ZCCHC10: variants seen among roughly 807,000 people sequenced by gnomAD.
ZCCHC10 encodes the protein zinc finger CCHC domain-containing protein 10.
A neutral mutation model predicts 19.5 loss-of-function variants in ZCCHC10; 16 were observed. That is an observed-to-expected ratio of 0.82 (90% CI 0.56 to 1.25). The LOEUF (loss-of-function observed/expected upper bound fraction) is 1.25, where lower values mean the gene tolerates loss of function less well. ZCCHC10 is among the 50% of genes most tolerant of loss of function. ZCCHC10 has a pLI of 0.00. For synonymous variants in ZCCHC10, 67 were observed against 72.5 expected, an observed-to-expected ratio of 0.92 and a Z score of 0.38; for missense variants, 197 against 201.0, an observed-to-expected ratio of 0.98 and a Z score of 0.12.
At chr5:133,023,635 G>A (rs141826746) in intron 1 of ZCCHC10, among the ~76,000 whole-genome samples, 31 of 151,726 alleles carry the variant, frequency 2.0e-4, no homozygotes, top group African/African-American at 6.3e-4. Context: ...TTAGCCAGGC[G>A]GGTAGCACAT....
intron 2 of ZCCHC10, among the ~76,000 whole-genome samples, chr5:133,019,408 A>G (rs569420867): frequency 3.9e-5 from 6 of 152,310 alleles, no homozygotes; most frequent in Admixed American, 1.3e-4. Flanking sequence ...TATTCAAACA[A>G]TATTTCATTT....
At chr5:133,003,853 G>A (rs1157207191) in intron 3 of ZCCHC10, among the ~76,000 whole-genome samples, 1 of 152,056 alleles carries the variant, frequency 6.6e-6, no homozygotes, top group African/African-American at 2.4e-5. Flanking sequence ...TGCGATTACA[G>A]GGTGCACCAC....
rs547114341 is a variant in ZCCHC10 at position 132,998,380 on chromosome 5, C to T, written c.*203G>A. The T allele has an allele frequency of 1.4e-4, 70 of 487,976 alleles. 1 individual carries two copies. In the South Asian group the frequency reaches 2.1e-3, roughly 14 times the overall value. The allele number at this position is 487,976 out of a possible 1,614,324, so 30.2% of individuals were successfully genotyped here. ...AGATATATTTTAAAGATAAAAAAAACAAGATTCACCCTTCAAATAAAAGTC... is the reference window on the plus strand; with the variant it reads ...AGATATATTTTAAAGATAAAAAAAATAAGATTCACCCTTCAAATAAAAGTC... On this transcript the variant is annotated 3_prime_UTR_variant, in exon 5 of 5. Transcript: ENST00000509437.
chr5:133,018,832 GGT>G (rs1446641103), intron 2 of ZCCHC10, among the ~76,000 whole-genome samples: 20 of 152,194 alleles, frequency 1.3e-4, no homozygotes, highest in Admixed American at 1.2e-3. Flanking sequence ...TAGCCAGGAA[GGT>G]TGGACTAGAC....
At chr5:133,013,061 T>TAAAA (rs368155320) in intron 2 of ZCCHC10, among the ~76,000 whole-genome samples, 1 of 113,070 alleles carries the variant, frequency 8.8e-6, no homozygotes, top group Non-Finnish European at 1.9e-5. Context: ...AAAAAAAAAT[T>TAAAA]AAAAAAAAAA....
In ZCCHC10 at chr5:133,017,897, C is replaced by G. The variant is rs765940193; in HGVS notation, c.107+4944G>C. ...TGGTAGCTCACTCCTGTAATCCCAA[C>G]ACTTTAGGAGGCCAGGTGGGTGGAT... is the stretch of plus-strand genomic sequence containing the variant. On this transcript the variant is annotated intron_variant, in intron 2 of 4. Coordinates refer to ENST00000509437, the MANE Select transcript of ZCCHC10 (RefSeq NM_001300816.3). 1.1e-4 allele frequency among the ~76,000 whole-genome samples: 17 copies of G among 152,262 alleles called. 1 individual carries two copies. Among genetic ancestry groups the G allele is most frequent in the Non-Finnish European group, 1.9e-4 (13 of 68,024 alleles).
intron 2 of ZCCHC10, among the ~76,000 whole-genome samples, chr5:133,015,059 A>T (rs1763826997): frequency 6.6e-6 from 1 of 150,508 alleles, no homozygotes; most frequent in Non-Finnish European, 1.5e-5. Flanking sequence ...AGTGCCTACC[A>T]GACTTCGCCA....
chr5:133,011,624 TAAAA>T (rs1194165056), intron 2 of ZCCHC10, among the ~76,000 whole-genome samples: 4 of 44,784 alleles, frequency 8.9e-5, no homozygotes, highest in African/African-American at 2.0e-4. Flanking sequence ...AGACTCCATC[TAAAA>T]AAAAAAAAAA....
intron 3 of ZCCHC10, 128 bp from the exon 4 acceptor site, chr5:133,000,301 A>G: frequency 9.8e-7 from 1 of 1,017,132 alleles, no homozygotes; most frequent in Admixed American, 2.8e-5. Context: ...TCACATACAG[A>G]GTACAGTATT....
chr5:133,019,203 T>C, intron 2 of ZCCHC10: 1 of 336,608 alleles, frequency 3.0e-6, no homozygotes, highest in Non-Finnish European at 5.8e-6. Context: ...CAACACTGTC[T>C]CTAAAAAAAA....
chr5:133,013,270 A>AAG (rs1763693110), intron 2 of ZCCHC10, among the ~76,000 whole-genome samples: 1 of 149,266 alleles, frequency 6.7e-6, no homozygotes, highest in African/African-American at 2.4e-5. Flanking sequence ...AGAAAAAAAA[A>AAG]AAAAAAAGGG....
intron 1 of ZCCHC10, among the ~76,000 whole-genome samples, chr5:133,024,886 G>A (rs1394937551): frequency 6.6e-6 from 1 of 151,858 alleles, no homozygotes; most frequent in African/African-American, 2.4e-5. Context: ...CTGGGCAACA[G>A]AGTGAGACTC....
Position 132,997,782 on chromosome 5 carries a change from G to A in ZCCHC10, c.*801C>T, listed in dbSNP as rs1762517494. ...CCTGCTTTGAATGGTACCTTTTATTGCATGTTAATACACAAAGATATTTCT... is the reference window on the plus strand; with the variant it reads ...CCTGCTTTGAATGGTACCTTTTATTACATGTTAATACACAAAGATATTTCT... On this transcript the variant is annotated 3_prime_UTR_variant, in exon 5 of 5. Coordinates refer to ENST00000509437, the MANE Select transcript of ZCCHC10 (RefSeq NM_001300816.3). The A allele has an allele frequency of 6.6e-6, 1 of 151,914 alleles. No individual in the cohort carries two copies. The highest frequency in any genetic ancestry group is 1.5e-5 in the Non-Finnish European group (1 of 67,980). 9.4% of individuals were successfully genotyped at this position (151,914 alleles called of 1,614,324 possible).
In ZCCHC10 at chr5:132,997,973, TAAGGAACCAG is replaced by T. The variant is rs1458641110; in HGVS notation, c.*600_*609del. ...TCAGAAAAGGATAACTTGAAAAACT[TAAGGAACCAG>T]AAGAAAATGAATGACGTAACACAGC... On this transcript the variant is annotated 3_prime_UTR_variant, in exon 5 of 5. Transcript: ENST00000509437. The T allele has an allele frequency of 1.3e-5, 2 of 152,094 alleles. No individual in the cohort carries two copies. The allele number at this position is 152,094 out of a possible 1,614,324, so 9.4% of individuals were successfully genotyped here. A position where few individuals can be genotyped will look rare whatever the true frequency, so the allele number is the denominator to read the frequency against.
chr5:133,005,154 C>T (rs779684291), intron 3 of ZCCHC10, among the ~76,000 whole-genome samples: 4 of 151,948 alleles, frequency 2.6e-5, no homozygotes, highest in Non-Finnish European at 4.4e-5. Flanking sequence ...AAAAAATTAG[C>T]CAGGTGTTGT....
At chr5:133,017,798 A>G (rs1392313154) in intron 2 of ZCCHC10, among the ~76,000 whole-genome samples, 1 of 152,210 alleles carries the variant, frequency 6.6e-6, no homozygotes, top group Non-Finnish European at 1.5e-5. Flanking sequence ...AACATAAGAT[A>G]TAAGATAGAC....
At chr5:133,003,113 C>T (rs945262857) in intron 3 of ZCCHC10, 2 of 293,404 alleles carry the variant, frequency 6.8e-6, no homozygotes, top group African/African-American at 2.2e-5. Context: ...GCTTCTGCTG[C>T]AAACATTCTC....
At chr5:133,014,502 T>TGTCTTA (rs1273684965) in intron 2 of ZCCHC10, among the ~76,000 whole-genome samples, 1 of 152,172 alleles carries the variant, frequency 6.6e-6, no homozygotes, top group Non-Finnish European at 1.5e-5. Flanking sequence ...TTGCATCAAA[T>TGTCTTA]GTCTTAACGT....
chr5:133,011,300 C>G (rs1277282171), intron 2 of ZCCHC10: 1 of 151,362 alleles, frequency 6.6e-6, no homozygotes, highest in Non-Finnish European at 1.5e-5. Context: ...ACCTAGAAAA[C>G]AGAGAAAAGA....
Sources: allele counts gnomAD v4.1 joint callset (sites outside exome capture counted in the v4.1 genomes callset), GRCh38; gene constraint gnomAD v4.1.1; transcripts MANE v1.5; gene names NCBI Gene and HGNC (gene_info 2026-07-23, HGNC 2026-07-21).